The following DNAH3 variants were observed in gnomAD, a reference collection of about 807,000 sequenced individuals.
The protein encoded by DNAH3 is axonemal beta dynein heavy chain 3.
A neutral mutation model predicts 432.5 loss-of-function variants in DNAH3; 332 were observed. That is an observed-to-expected ratio of 0.77 (90% confidence interval 0.70 to 0.84). The LOEUF (loss-of-function observed/expected upper bound fraction) is 0.84, where lower values mean the gene tolerates loss of function less well. Ranked by LOEUF, DNAH3 falls within the 40% of genes least tolerant of loss-of-function variation. The probability of loss-of-function intolerance (pLI) is 0.00; values close to 1 mark genes in which losing one functional copy is unlikely to be tolerated. For missense variants in DNAH3, 4,861 were observed against 5,114.0 expected (o/e 0.95, Z 1.51); for synonymous variants, 1,956 against 1,900.2 (o/e 1.03, Z -0.76).
chr16:20,968,512 G>A (rs2085162597), intron 52 of DNAH3, among the ~76,000 whole-genome samples: 1 of 152,190 alleles, frequency 6.6e-6, no homozygotes, highest in Admixed American at 6.5e-5. Context: ...TGGTCTTAAT[G>A]CAAAGTCCTA....
chr16:20,998,607 C>T (rs1474695701), intron 43 of DNAH3, among the ~76,000 whole-genome samples: 1 of 151,840 alleles, frequency 6.6e-6, no homozygotes, highest in Non-Finnish European at 1.5e-5. Flanking sequence ...TTAAGACTTC[C>T]CGAAGGGCAG....
chr16:21,076,842 T>C (rs1274764561), intron 20 of DNAH3, among the ~76,000 whole-genome samples: 1 of 152,210 alleles, frequency 6.6e-6, no homozygotes, highest in Non-Finnish European at 1.5e-5. Flanking sequence ...AATTAGACTA[T>C]AACTCAATTT....
At chr16:21,106,876 G>C (rs2091960029) in intron 14 of DNAH3, among the ~76,000 whole-genome samples, 1 of 152,024 alleles carries the variant, frequency 6.6e-6, no homozygotes. Context: ...AATAATAGCA[G>C]TTGTAATGAT....
In DNAH3 at chr16:20,965,390, T is replaced by A; in HGVS notation, c.8494A>T (p.Lys2832Ter). 6.5e-7 allele frequency: 1 copy of A among 1,533,682 alleles called. No individual in the cohort carries two copies. The highest frequency in any genetic ancestry group is 8.8e-7 in the Non-Finnish European group (1 of 1,140,204). The change falls in exon 53 of 62, where the codon AAG becomes TAG. Residue 2832 changes from lysine to a stop codon, truncating the protein, a stop_gained. Transcript: ENST00000261383. LOFTEE classifies it high-confidence loss of function. ...AAGAATTTCAGATCCCCAAGAATCT[T>A]TTTGGATACCCCCCAGTAATCTTCT...
intron 55 of DNAH3, 151 bp from the exon 56 acceptor site, chr16:20,952,700 C>T (rs1409131756): frequency 1.5e-5 from 9 of 583,856 alleles, no homozygotes; most frequent in Admixed American, 2.7e-5. Flanking sequence ...TTAGCCTGGA[C>T]GTTTACCACC....
chr16:21,064,857 G>A (rs2090484353), intron 24 of DNAH3, among the ~76,000 whole-genome samples: 1 of 109,440 alleles, frequency 9.1e-6, no homozygotes, highest in African/African-American at 3.5e-5. Context: ...AAATATTGAG[G>A]TAGGTGTGTG....
At chr16:21,013,719 CAAAAAAA>C (rs557641711) in intron 41 of DNAH3, among the ~76,000 whole-genome samples, 9 of 47,428 alleles carry the variant, frequency 1.9e-4, no homozygotes, top group South Asian at 7.4e-4. Context: ...AACTCCATCT[CAAAAAAA>C]AAAAAAAAAA....
intron 21 of DNAH3, among the ~76,000 whole-genome samples, chr16:21,074,889 C>T (rs1290334203): frequency 1.3e-5 from 2 of 152,160 alleles, no homozygotes; most frequent in African/African-American, 2.4e-5. Flanking sequence ...GTAGCACCTT[C>T]GCATGCACTG....
At chr16:20,935,982 T>C (rs1002431400) in intron 60 of DNAH3, among the ~76,000 whole-genome samples, 4 of 152,162 alleles carry the variant, frequency 2.6e-5, no homozygotes, top group East Asian at 1.9e-4. Context: ...CGCCATGCCA[T>C]GCGAGAACGC....
chr16:21,131,824 A>T (rs1257044327), intron 7 of DNAH3, among the ~76,000 whole-genome samples: 2 of 146,330 alleles, frequency 1.4e-5, no homozygotes, highest in African/African-American at 2.5e-5. Flanking sequence ...ATTGCACTCC[A>T]GCCTGGGCAA....
At chr16:21,037,888 G>A in exon 34 of DNAH3, 1 of 1,614,218 alleles carries the variant, frequency 6.2e-7, no homozygotes. Flanking sequence ...AGTAAGCACA[G>A]ACTTGACAGC....
At chr16:21,007,359 C>T (rs144449692) in intron 41 of DNAH3, among the ~76,000 whole-genome samples, 102 of 151,928 alleles carry the variant, frequency 6.7e-4, no homozygotes, top group African/African-American at 2.2e-3. Context: ...CAGGCAGGCA[C>T]GCACCATCAT....
At chr16:21,142,749 G>T (rs1407482323) in intron 3 of DNAH3, among the ~76,000 whole-genome samples, 1 of 151,510 alleles carries the variant, frequency 6.6e-6, no homozygotes, top group African/African-American at 2.4e-5. Flanking sequence ...AACCACCCAG[G>T]CTCAGGTGAT....
At chr16:20,946,439 GC>G (rs747619277) in intron 57 of DNAH3, among the ~76,000 whole-genome samples, 1 of 152,096 alleles carries the variant, frequency 6.6e-6, no homozygotes, top group Non-Finnish European at 1.5e-5. Context: ...ATAAAATCAA[GC>G]CCTGACCACC....
In DNAH3 at chr16:21,068,325, T is replaced by TGGGCG. The variant is rs1251536368; in HGVS notation, c.3382-907_3382-906insCGCCC. ...TATTTGTATATTACTTTTTTTTGGGTGGGGGGGGGGACAGAGTCTCGCTCT... is the reference window on the plus strand; with the variant it reads ...TATTTGTATATTACTTTTTTTTGGGTGGGCGGGGGGGGGGGACAGAGTCTCGCTCT... On this transcript the variant is annotated intron_variant, in intron 23 of 61. Coordinates refer to ENST00000261383, the Ensembl canonical transcript of DNAH3. 5.1e-3 allele frequency among the ~76,000 whole-genome samples: 393 copies of TGGGCG among 76,652 alleles called. 5 individuals are homozygous for TGGGCG. The highest frequency in any genetic ancestry group is 6.0e-3 in the Non-Finnish European group (198 of 32,858). The allele number at this position is 76,652 out of a possible 152,430, so 50.3% of individuals were successfully genotyped here.
At chr16:21,002,752 C>T (rs897804572) in intron 42 of DNAH3, among the ~76,000 whole-genome samples, 25 of 152,158 alleles carry the variant, frequency 1.6e-4, no homozygotes, top group African/African-American at 4.6e-4. Context: ...TGAGCCACTG[C>T]GCCTGGCCAG....
intron 1 of DNAH3, among the ~76,000 whole-genome samples, chr16:21,152,846 C>T (rs1014646886): frequency 3.3e-5 from 5 of 152,256 alleles, no homozygotes; most frequent in Non-Finnish European, 7.3e-5. Flanking sequence ...GGGCAGGGCT[C>T]GGGACTTGCA....
chr16:20,944,698 G>A (rs1389346049), intron 57 of DNAH3, 35 bp from the exon 58 acceptor site: 1 of 1,610,356 alleles, frequency 6.2e-7, no homozygotes, highest in Admixed American at 1.7e-5. Context: ...ATCAACGAGG[G>A]ACCCCAGAAT....
At chr16:21,118,691 G>A (rs2092264963) in intron 11 of DNAH3, among the ~76,000 whole-genome samples, 1 of 152,182 alleles carries the variant, frequency 6.6e-6, no homozygotes, top group Non-Finnish European at 1.5e-5. Flanking sequence ...ACAACTTTCA[G>A]AAAATGGAGG....
Sources: allele counts gnomAD v4.1 joint callset (sites outside exome capture counted in the v4.1 genomes callset), GRCh38; gene constraint gnomAD v4.1.1; transcripts MANE v1.5; gene names NCBI Gene and HGNC (gene_info 2026-07-23, HGNC 2026-07-21).